PARPBP: variants seen among roughly 807,000 people sequenced by gnomAD.
The protein encoded by PARPBP is PARP1 binding protein, also known as PCNA-interacting partner.
In PARPBP, 52 loss-of-function variants were observed where a neutral mutation model predicts 50.0. That is an observed-to-expected ratio of 1.04 (90% CI 0.83 to 1.31). The LOEUF (loss-of-function observed/expected upper bound fraction) is 1.31, where lower values mean the gene tolerates loss of function less well. PARPBP is among the 50% of genes most tolerant of loss of function. The pLI is 0.00. For synonymous variants in PARPBP, 244 were observed against 232.1 expected (o/e 1.05, Z -0.47); for missense variants, 697 against 672.0 (o/e 1.04, Z -0.41).
chr12:102,195,631 C>T (rs1891235202), intron 10 of PARPBP, among the ~76,000 whole-genome samples, 184 bp downstream of exon 10: 1 of 151,640 alleles, frequency 6.6e-6, no homozygotes, highest in Admixed American at 6.6e-5. Flanking sequence ...GAATAGGACA[C>T]AGTTTGATTT....
chr12:102,124,123 A>C, intron 2 of PARPBP, 82 bp downstream of exon 2: 1 of 934,504 alleles, frequency 1.1e-6, no homozygotes, highest in Non-Finnish European at 1.6e-6. Flanking sequence ...TAAGCTTAAG[A>C]ATATTAATTT....
At chr12:102,195,079 A>AG (rs1891154102) in intron 9 of PARPBP, among the ~76,000 whole-genome samples, 5 of 151,686 alleles carry the variant, frequency 3.3e-5, no homozygotes, top group Admixed American at 3.3e-4. Context: ...CAAAAAAAAA[A>AG]TCAAAAATAT....
chr12:102,128,839 C>G (rs1032188017), intron 2 of PARPBP, among the ~76,000 whole-genome samples: 2 of 152,066 alleles, frequency 1.3e-5, no homozygotes, highest in Non-Finnish European at 2.9e-5. Context: ...GGATATATAC[C>G]CAGTATTGGG....
chr12:102,196,649 G>A lies in PARPBP; in HGVS notation c.*358G>A. On this transcript the variant is annotated 3_prime_UTR_variant, in exon 11 of 11. Coordinates refer to ENST00000327680, the MANE Select transcript of PARPBP (RefSeq NM_017915.5). ...CTGAAAAGATGATGTGGACCAACAG[G>A]TATCAGACTTGCCAACAAGGTCGGT... 6.2e-7 allele frequency: 1 copy of A among 1,603,492 alleles called. No individual in the cohort carries two copies. The highest frequency in any genetic ancestry group is 1.1e-5 in the South Asian group (1 of 90,830).
chr12:102,172,065 A>G (rs1888809830), intron 6 of PARPBP, among the ~76,000 whole-genome samples: 1 of 152,148 alleles, frequency 6.6e-6, no homozygotes, highest in African/African-American at 2.4e-5. Flanking sequence ...ATTTGTCTGT[A>G]TTATTGCTTA....
Position 102,197,049 on chromosome 12 carries a change from T to C in PARPBP, c.*758T>C, listed in dbSNP as rs1307820829. ...CAATTTCTCTCTTTTCTTGTGTTGA[T>C]TCAGTATTCTGAACTCCATTCTCAG... On this transcript the variant is annotated 3_prime_UTR_variant, in exon 11 of 11. Transcript: ENST00000327680. The C allele has an allele frequency of 1.9e-6, 3 of 1,612,218 alleles. No homozygotes were observed. Among genetic ancestry groups the C allele is most frequent in the East Asian group, 2.2e-5 (1 of 44,788 alleles).
intron 2 of PARPBP, among the ~76,000 whole-genome samples, chr12:102,147,957 C>T (rs974903647): frequency 4.6e-5 from 7 of 152,118 alleles, no homozygotes; most frequent in Non-Finnish European, 7.4e-5. Context: ...TGACGAATTT[C>T]AAGAAATGTA....
At chr12:102,186,286 G>T (rs76995251) in intron 9 of PARPBP, among the ~76,000 whole-genome samples, 5,423 of 151,584 alleles carry the variant, frequency 0.036, 387 homozygotes, top group East Asian at 0.3. Flanking sequence ...TTGATATTTT[G>T]TGTTGTTTTC....
intron 2 of PARPBP, among the ~76,000 whole-genome samples, chr12:102,133,491 TATC>T (rs1883168328): frequency 6.6e-6 from 1 of 152,192 alleles, no homozygotes; most frequent in Non-Finnish European, 1.5e-5. Context: ...AATCTGACTT[TATC>T]ATCATGAGTG....
intron 2 of PARPBP, among the ~76,000 whole-genome samples, chr12:102,132,210 CAA>C (rs202066385): frequency 5.4e-4 from 56 of 104,190 alleles, no homozygotes; most frequent in Admixed American, 6.4e-4. Context: ...GACCCTGTCT[CAA>C]AAAAAAAAAA....
At chr12:102,126,335 TG>T (rs1881988835) in intron 2 of PARPBP, among the ~76,000 whole-genome samples, 1 of 152,228 alleles carries the variant, frequency 6.6e-6, no homozygotes, top group Admixed American at 6.5e-5. Context: ...ACTTTCTCTT[TG>T]TTTTTGACCT....
rs1423848862 is a variant in PARPBP, at chr12:102,177,485, T to C, written c.1006-1107T>C. Among the ~76,000 whole-genome samples the C allele has an allele frequency of 2.9e-4, 44 of 152,090 alleles. 1 individual carries two copies. Among genetic ancestry groups the C allele is most frequent in the Non-Finnish European group, 8.8e-5 (6 of 68,022 alleles). Reference sequence around the variant, plus strand: ...CAGAGTTTGTGCTTACATGTATCTATACATAATATTTTATTATTATATATT... The same window carrying C: ...CAGAGTTTGTGCTTACATGTATCTACACATAATATTTTATTATTATATATT... On this transcript the variant is annotated intron_variant, in intron 7 of 10. Coordinates refer to ENST00000327680, the MANE Select transcript of PARPBP (RefSeq NM_017915.5).
chr12:102,120,397 T>G, intron 1 of PARPBP, 111 bp downstream of exon 1: 1 of 453,240 alleles, frequency 2.2e-6, no homozygotes, highest in South Asian at 1.6e-5. Context: ...CAAAGTGCCG[T>G]GGGACCGAAG....
chr12:102,196,875 A>G lies in PARPBP; in HGVS notation c.*584A>G. The G allele has an allele frequency of 1.7e-6, 2 of 1,144,914 alleles. No homozygotes were observed. Among genetic ancestry groups the G allele is most frequent in the South Asian group, 2.8e-5 (2 of 72,234 alleles). 70.9% of individuals were successfully genotyped at this position (1,144,914 alleles called of 1,614,324 possible). A position where few individuals can be genotyped will look rare whatever the true frequency, so the allele number is the denominator to read the frequency against. On this transcript the variant is annotated 3_prime_UTR_variant, in exon 11 of 11. Transcript: ENST00000327680. ...GCAGGTGTAATTGAGCCATGGTCTT[A>G]TTTGATTTTGTTATGATTGCATCCA...
chr12:102,163,535 C>T (rs1219553768), intron 4 of PARPBP, among the ~76,000 whole-genome samples: 1 of 152,136 alleles, frequency 6.6e-6, no homozygotes, highest in Non-Finnish European at 1.5e-5. Context: ...TTTTTCTACT[C>T]TTTTCACTTC....
At chr12:102,173,310 T>C (rs770340068) in intron 6 of PARPBP, among the ~76,000 whole-genome samples, 1 of 152,204 alleles carries the variant, frequency 6.6e-6, no homozygotes, top group Non-Finnish European at 1.5e-5. Flanking sequence ...GGTAAAACGT[T>C]TTAGTGTTCT....
In PARPBP at chr12:102,182,577, A is replaced by C. The variant is rs1350282944; in HGVS notation, c.1213A>C (p.Lys405Gln). 6.2e-7 allele frequency: 1 copy of C among 1,612,562 alleles called. No individual in the cohort carries two copies. The highest frequency in any genetic ancestry group is 8.5e-7 in the Non-Finnish European group (1 of 1,179,122). ...RSPTQVNNSIKPLRERICVSM... is the reference protein window; with the variant it reads ...RSPTQVNNSIQPLRERICVSM... The stretch of plus-strand genomic sequence containing the variant: ...TCCCACACAGGTGAATAATTCGATA[A>C]AACCCCTAAGAGAACGCATCTGTGT... The change falls in exon 9 of 11, where the codon AAA becomes CAA. Residue 405 changes from lysine (K) to glutamine (Q), a missense_variant. Transcript: ENST00000327680.
intron 3 of PARPBP, chr12:102,151,845 C>A: frequency 7.4e-7 from 1 of 1,356,502 alleles, no homozygotes; most frequent in African/African-American, 1.4e-5. Flanking sequence ...TTGAAGAAGC[C>A]ACCTGGCACC....
chr12:102,184,500 A>G (rs1288283339), intron 9 of PARPBP, among the ~76,000 whole-genome samples: 1 of 152,204 alleles, frequency 6.6e-6, no homozygotes, highest in Non-Finnish European at 1.5e-5. Context: ...ATGCAGTCTC[A>G]TTTACAGATG....
Sources: gnomAD v4.1 joint callset for allele counts (sites outside exome capture counted in the v4.1 genomes callset) on GRCh38, gnomAD v4.1.1 for gene constraint, MANE v1.5 for transcripts, NCBI Gene and HGNC (gene_info 2026-07-23, HGNC 2026-07-21) for gene names.